EPHB1: variants seen among roughly 807,000 people sequenced by gnomAD.
EPHB1 encodes ephrin type-B receptor 1.
In EPHB1, 30 loss-of-function variants were observed where a neutral mutation model predicts 94.4. The observed-to-expected ratio is 0.32, with a 90% CI of 0.24 to 0.43. The LOEUF (loss-of-function observed/expected upper bound fraction) is 0.43. Among genes scored for constraint, EPHB1 ranks in the 20% least tolerant of loss-of-function variants. The probability of loss-of-function intolerance (pLI) is 1.00; values close to 1 mark genes in which losing one functional copy is unlikely to be tolerated. For synonymous variants in EPHB1, 522 were observed against 489.1 expected (o/e 1.07, Z -0.89); for missense variants, 1,055 against 1,308.3 (o/e 0.81, Z 2.99).
At chr3:135,219,174 G>A (rs973613844) in intron 12 of EPHB1, among the ~76,000 whole-genome samples, 2 of 151,900 alleles carry the variant, frequency 1.3e-5, no homozygotes, top group Admixed American at 6.5e-5. Context: ...GTGAACAGGA[G>A]GCCTACTTGG....
At chr3:135,190,060 C>A (rs371035462) in intron 10 of EPHB1, among the ~76,000 whole-genome samples, 1 of 152,212 alleles carries the variant, frequency 6.6e-6, no homozygotes, top group Admixed American at 6.5e-5. Flanking sequence ...TGAAACATAG[C>A]TATCTAGAGG....
intron 10 of EPHB1, among the ~76,000 whole-genome samples, chr3:135,191,075 A>G (rs1942444006): frequency 6.7e-6 from 1 of 149,628 alleles, no homozygotes; most frequent in African/African-American, 2.5e-5. Context: ...ACCCTGTCTC[A>G]AAAAACAAAA....
intron 3 of EPHB1, among the ~76,000 whole-genome samples, chr3:135,033,106 A>C (rs1488846255): frequency 6.6e-6 from 1 of 152,140 alleles, no homozygotes; most frequent in Non-Finnish European, 1.5e-5. Flanking sequence ...AATGACTAGC[A>C]CTAGGAGCAG....
At chr3:135,048,253 T>C (rs576028524) in intron 3 of EPHB1, among the ~76,000 whole-genome samples, 1 of 131,226 alleles carries the variant, frequency 7.6e-6, no homozygotes, top group African/African-American at 3.2e-5. Context: ...TCTTTCTTTC[T>C]TTTTTCTTTT....
intron 3 of EPHB1, among the ~76,000 whole-genome samples, chr3:134,988,598 C>T (rs905227713): frequency 2.0e-5 from 3 of 152,176 alleles, no homozygotes; most frequent in Admixed American, 2.0e-4. Context: ...GCCCACTCCT[C>T]CTCCTTCCCC....
chr3:135,190,905 G>GCAGTTC (rs1942438869), intron 10 of EPHB1, among the ~76,000 whole-genome samples: 1 of 152,152 alleles, frequency 6.6e-6, no homozygotes. Context: ...GACTTGGTCT[G>GCAGTTC]ACCTCCAGCA....
chr3:134,968,802 A>G (rs913764318), intron 3 of EPHB1, among the ~76,000 whole-genome samples: 2 of 152,134 alleles, frequency 1.3e-5, no homozygotes, highest in Admixed American at 6.5e-5. Context: ...AAATGAAATG[A>G]TGTATTATGG....
At chr3:134,905,657 C>T (rs1006742208) in intron 1 of EPHB1, among the ~76,000 whole-genome samples, 29 of 152,146 alleles carry the variant, frequency 1.9e-4, no homozygotes, top group African/African-American at 6.8e-4. Flanking sequence ...TGGAGTACAC[C>T]ACACTTCTGG....
At chr3:135,087,336 G>A (rs187898839) in intron 3 of EPHB1, among the ~76,000 whole-genome samples, 1 of 152,162 alleles carries the variant, frequency 6.6e-6, no homozygotes. Flanking sequence ...AGAATGAGAA[G>A]GAAGCTGTGT....
chr3:135,123,326 A>G (rs990114678), intron 4 of EPHB1, among the ~76,000 whole-genome samples: 1 of 152,240 alleles, frequency 6.6e-6, no homozygotes, highest in African/African-American at 2.4e-5. Flanking sequence ...AGTACTTTGC[A>G]TACAGTATTT....
At chr3:135,134,110 G>A (rs1410371267) in intron 5 of EPHB1, among the ~76,000 whole-genome samples, 1 of 152,258 alleles carries the variant, frequency 6.6e-6, no homozygotes, top group Non-Finnish European at 1.5e-5. Flanking sequence ...GTGCAAGGCT[G>A]CAGAGGGGAA....
At chr3:135,186,762 CTT>C (rs1942341470) in intron 10 of EPHB1, among the ~76,000 whole-genome samples, 1 of 152,174 alleles carries the variant, frequency 6.6e-6, no homozygotes, top group African/African-American at 2.4e-5. Context: ...CTTTTTCTCT[CTT>C]CCTCATTTTG....
At chr3:134,845,911 C>G (rs1156625136) in intron 1 of EPHB1, among the ~76,000 whole-genome samples, 1 of 152,152 alleles carries the variant, frequency 6.6e-6, no homozygotes, top group Non-Finnish European at 1.5e-5. Context: ...CACAATACCC[C>G]TCTGGCCCCT....
chr3:135,039,626 G>A (rs533700525), intron 3 of EPHB1, among the ~76,000 whole-genome samples: 31 of 152,334 alleles, frequency 2.0e-4, no homozygotes, highest in South Asian at 8.3e-4. Context: ...CCAGTGGGCC[G>A]GCACTGCTGG....
intron 3 of EPHB1, among the ~76,000 whole-genome samples, chr3:134,989,850 T>G (rs543749329): frequency 1.3e-5 from 2 of 152,348 alleles, no homozygotes; most frequent in Admixed American, 1.3e-4. Context: ...AAATCACTAT[T>G]TTAAAAGTCA....
intron 3 of EPHB1, among the ~76,000 whole-genome samples, chr3:134,979,441 A>G (rs185546631): frequency 2.2e-4 from 33 of 152,300 alleles, no homozygotes; most frequent in African/African-American, 6.5e-4. Context: ...TTCTCCATAA[A>G]TAGCTTCAGA....
intron 2 of EPHB1, among the ~76,000 whole-genome samples, chr3:134,929,941 G>A (rs932941228): frequency 1.3e-5 from 2 of 152,340 alleles, no homozygotes; most frequent in East Asian, 1.9e-4. Context: ...GCCCAAAAAG[G>A]AGGGAAAGTC....
Position 134,904,182 on chromosome 3 carries a change from G to A in EPHB1, c.59-21634G>A, listed in dbSNP as rs144813646. Among the ~76,000 whole-genome samples the A allele has an allele frequency of 1.9e-3, 294 of 152,298 alleles. 2 individuals are homozygous for A. The highest frequency in any genetic ancestry group is 6.8e-3 in the African/African-American group (283 of 41,550). On this transcript the variant is annotated intron_variant, in intron 1 of 15. Transcript: ENST00000398015. ...CCAATTAGGAGCCTGTAGCTCCCAG[G>A]CTTTCCTCCTCTGAGTGAACATTTC...
At chr3:135,179,622 A>G (rs1942097101) in intron 9 of EPHB1, among the ~76,000 whole-genome samples, 1 of 152,184 alleles carries the variant, frequency 6.6e-6, no homozygotes, top group Non-Finnish European at 1.5e-5. Context: ...TTTCACCAAG[A>G]GCTCAAAAAA....
Sources: gnomAD v4.1 joint callset for allele counts (sites outside exome capture counted in the v4.1 genomes callset) on GRCh38, gnomAD v4.1.1 for gene constraint, MANE v1.5 for transcripts, NCBI Gene and HGNC (gene_info 2026-07-23, HGNC 2026-07-21) for gene names.